The following WAC variants were observed in gnomAD, a reference collection of about 807,000 sequenced individuals.
WAC encodes the protein WW domain-containing adapter protein with coiled-coil.
In WAC, 11 loss-of-function variants were observed where a neutral mutation model predicts 79.6. That is an observed-to-expected ratio of 0.14 (90% CI 0.09 to 0.23). The LOEUF (loss-of-function observed/expected upper bound fraction) is 0.23, where lower values mean the gene tolerates loss of function less well. Ranked by LOEUF, WAC falls within the 10% of genes least tolerant of loss-of-function variation. The probability of loss-of-function intolerance (pLI) is 1.00; values close to 1 mark genes in which losing one functional copy is unlikely to be tolerated. For synonymous variants in WAC, 304 were observed against 276.9 expected, an observed-to-expected ratio of 1.10 and a Z score of -0.97; for missense variants, 728 against 773.5, an observed-to-expected ratio of 0.94 and a Z score of 0.70.
intron 2 of WAC, chr10:28,534,265 A>G: frequency 2.3e-6 from 1 of 441,250 alleles, no homozygotes; most frequent in South Asian, 5.3e-5. Flanking sequence ...ATTTAGGAAA[A>G]AAGAATCATT....
At chr10:28,534,979 A>G (rs1414511422) in intron 2 of WAC, among the ~76,000 whole-genome samples, 1 of 152,218 alleles carries the variant, frequency 6.6e-6, no homozygotes, top group Non-Finnish European at 1.5e-5. Flanking sequence ...CATTATGCTT[A>G]GTTAGAAATA....
chr10:28,596,717 T>TCTA (rs1840388685), intron 7 of WAC, among the ~76,000 whole-genome samples: 1 of 152,216 alleles, frequency 6.6e-6, no homozygotes, highest in East Asian at 1.9e-4. Context: ...CTTCATAGTA[T>TCTA]GTTTTAAGAA....
chr10:28,581,575 G>A (rs1266889487), intron 3 of WAC, among the ~76,000 whole-genome samples: 5 of 151,880 alleles, frequency 3.3e-5, no homozygotes, highest in Non-Finnish European at 7.4e-5. Context: ...TGTTTTTTGA[G>A]ACAGAGTCTT....
intron 3 of WAC, among the ~76,000 whole-genome samples, chr10:28,550,072 G>A (rs987371456): frequency 6.6e-6 from 1 of 151,982 alleles, no homozygotes; most frequent in African/African-American, 2.4e-5. Context: ...AGGCTGATGA[G>A]GCAGGAGAAT....
At chr10:28,579,892 T>C (rs332145) in intron 3 of WAC, among the ~76,000 whole-genome samples, 87,692 of 152,012 alleles carry the variant, frequency 0.58, 25,869 homozygotes, top group East Asian at 0.68. Context: ...AAAGGGCATC[T>C]TTCTAGTTGG....
chr10:28,554,684 TTC>T (rs1837883372), intron 3 of WAC, among the ~76,000 whole-genome samples: 1 of 152,222 alleles, frequency 6.6e-6, no homozygotes, highest in South Asian at 2.1e-4. Context: ...CACTTGCTTG[TTC>T]TTTTTGTAAA....
At chr10:28,533,702 G>C in intron 1 of WAC, 82 bp downstream of exon 1, 1 of 1,470,494 alleles carries the variant, frequency 6.8e-7, no homozygotes, top group Non-Finnish European at 9.2e-7. Flanking sequence ...GGAGCTGGCC[G>C]GGCCGCCATT....
chr10:28,590,825 C>G lies in WAC; in HGVS notation c.603C>G (p.Ala201=). The change falls in exon 6 of 14, where the codon GCC becomes GCG. Residue 201 remains alanine, a synonymous_variant. Coordinates refer to ENST00000354911, the MANE Select transcript of WAC (RefSeq NM_016628.5). ...AAGCAACAGCCACTAGTGGGTTTGC[C>G]AGTGGAAGTAAGTATTAATTTTTTT... is the stretch of plus-strand genomic sequence containing the variant. ...VMQATATSGF[A]SGMEDKHSSD... 6.2e-7 allele frequency: 1 copy of G among 1,606,642 alleles called. No homozygotes were observed. The highest frequency in any genetic ancestry group is 8.5e-7 in the Non-Finnish European group (1 of 1,177,650).
rs984379175 is a variant in WAC at position 28,620,109 on chromosome 10, C to A, written c.*503C>A. 2 of 152,600 alleles carry A rather than the reference C, an allele frequency of 1.3e-5. No individual in the cohort carries two copies. Among genetic ancestry groups the A allele is most frequent in the African/African-American group, 4.8e-5 (2 of 41,432 alleles). 9.5% of individuals were successfully genotyped at this position (152,600 alleles called of 1,614,324 possible). ...TGTACAAAATATGAAACAACTGTTT[C>A]CACACTTGCACCTGATCAAGAGCAG... On this transcript the variant is annotated 3_prime_UTR_variant, in exon 14 of 14. Coordinates refer to ENST00000354911, the MANE Select transcript of WAC (RefSeq NM_016628.5).
At chr10:28,533,752 G>A (rs1049270489) in intron 1 of WAC, 132 bp downstream of exon 1, 95 of 1,080,206 alleles carry the variant, frequency 8.8e-5, no homozygotes, top group Non-Finnish European at 1.2e-4. Flanking sequence ...TGGGGAGGAG[G>A]AGCGGCCGCG....
intron 3 of WAC, among the ~76,000 whole-genome samples, chr10:28,563,744 CTTTTTTTTTTTTTTTTT>C (rs71281550): frequency 1.5e-5 from 1 of 67,936 alleles, no homozygotes; most frequent in Non-Finnish European, 2.6e-5. Flanking sequence ...CTACACCCAG[CTTTTTTTTTTTTTTTTT>C]TTTTTTTTTT....
chr10:28,567,797 C>G (rs897533721), intron 3 of WAC, among the ~76,000 whole-genome samples: 2 of 152,050 alleles, frequency 1.3e-5, no homozygotes, highest in African/African-American at 2.4e-5. Flanking sequence ...CTTTATAGCC[C>G]AAGCTGGAGT....
chr10:28,544,169 C>CA (rs1420725657), intron 3 of WAC, among the ~76,000 whole-genome samples: 2 of 152,244 alleles, frequency 1.3e-5, no homozygotes, highest in African/African-American at 4.8e-5. Flanking sequence ...AGGCATGAGT[C>CA]ACTGAGCCCA....
At chr10:28,618,013 A>G (rs1268568075) in intron 13 of WAC, 3 of 322,080 alleles carry the variant, frequency 9.3e-6, no homozygotes, top group Non-Finnish European at 1.1e-5. Flanking sequence ...TCATAACTCC[A>G]TAAGCTGCAA....
chr10:28,580,014 T>G (rs1839452638), intron 3 of WAC, among the ~76,000 whole-genome samples: 1 of 152,192 alleles, frequency 6.6e-6, no homozygotes, highest in Non-Finnish European at 1.5e-5. Context: ...ATCTTTATCT[T>G]ACTCCTCACC....
intron 3 of WAC, among the ~76,000 whole-genome samples, chr10:28,539,704 A>G (rs1379404525): frequency 6.6e-6 from 1 of 151,954 alleles, no homozygotes; most frequent in Admixed American, 6.6e-5. Context: ...GATTACAAAC[A>G]TACGCCATCA....
chr10:28,536,578 A>T lies in WAC; in HGVS notation c.274+821A>T, dbSNP rs750772802. On this transcript the variant is annotated intron_variant, in intron 3 of 13. Coordinates refer to ENST00000354911, the MANE Select transcript of WAC (RefSeq NM_016628.5). Reference sequence around the variant, plus strand: ...GTTGTAAACATTTTCAGTATTCTCCAGTTTTGGTGATGTGATTTTTATACC... The same window carrying T: ...GTTGTAAACATTTTCAGTATTCTCCTGTTTTGGTGATGTGATTTTTATACC... Among the ~76,000 whole-genome samples the T allele has an allele frequency of 1.3e-5, 2 of 152,192 alleles. 1 individual carries two copies. The highest frequency in any genetic ancestry group is 4.1e-4 in the South Asian group (2 of 4,830).
chr10:28,555,869 C>G (rs1266556519), intron 3 of WAC, among the ~76,000 whole-genome samples: 1 of 152,118 alleles, frequency 6.6e-6, no homozygotes, highest in Non-Finnish European at 1.5e-5. Context: ...GTACAACTTT[C>G]CAGCTTCCAG....
chr10:28,533,803 G>T, intron 1 of WAC, 183 bp downstream of exon 1: 2 of 986,974 alleles, frequency 2.0e-6, no homozygotes, highest in South Asian at 1.7e-5. Flanking sequence ...GGGAGCGGGG[G>T]CCCGGCTTCG....
Sources: allele counts gnomAD v4.1 joint callset (sites outside exome capture counted in the v4.1 genomes callset), GRCh38; gene constraint gnomAD v4.1.1; transcripts MANE v1.5; gene names NCBI Gene and HGNC (gene_info 2026-07-23, HGNC 2026-07-21).